The following RYR2 variants were observed in gnomAD, a reference collection of about 807,000 sequenced individuals.
RYR2 encodes cardiac muscle ryanodine receptor-calcium release channel.
A neutral mutation model predicts 601.1 loss-of-function variants in RYR2; 227 were observed. That is an observed-to-expected ratio of 0.38 (90% CI 0.34 to 0.42). RYR2 has a LOEUF of 0.42. Among genes scored for constraint, RYR2 ranks in the 10% least tolerant of loss-of-function variants. The pLI, the probability that RYR2 is intolerant of heterozygous loss-of-function variation, is 1.00. For synonymous variants in RYR2, 2,223 were observed against 2,175.1 expected (o/e 1.02, Z -0.61); for missense variants, 4,646 against 6,156.5 (o/e 0.75, Z 8.21).
intron 1 of RYR2, among the ~76,000 whole-genome samples, chr1:237,261,493 CA>C (rs1688518750): frequency 6.6e-6 from 1 of 152,224 alleles, no homozygotes; most frequent in African/African-American, 2.4e-5. Context: ...AGAGGGCTTT[CA>C]CCAGCTTTCC....
chr1:237,377,242 T>G, intron 7 of RYR2, 81 bp from the exon 8 acceptor site: 1 of 924,292 alleles, frequency 1.1e-6, no homozygotes, highest in South Asian at 1.9e-5. Context: ...CTGAAAGTTG[T>G]GTGTTGGGAA....
intron 1 of RYR2, among the ~76,000 whole-genome samples, chr1:237,097,292 C>A (rs1572621343): frequency 6.6e-6 from 1 of 152,030 alleles, no homozygotes; most frequent in East Asian, 1.9e-4. Flanking sequence ...AGATTTAAGA[C>A]CTTGAGTTAA....
At chr1:237,382,081 G>A (rs1439982764) in intron 8 of RYR2, among the ~76,000 whole-genome samples, 1 of 152,150 alleles carries the variant, frequency 6.6e-6, no homozygotes, top group Non-Finnish European at 1.5e-5. Context: ...TTTTCTGTGT[G>A]TTAGGTGTAA....
At chr1:237,528,552 G>C (rs537329207) in intron 24 of RYR2, among the ~76,000 whole-genome samples, 2 of 152,118 alleles carry the variant, frequency 1.3e-5, no homozygotes, top group African/African-American at 2.4e-5. Flanking sequence ...TTCACTGTCC[G>C]TGTGAGTTGA....
At chr1:237,603,258 G>A (rs1419984290) in intron 35 of RYR2, among the ~76,000 whole-genome samples, 1 of 152,182 alleles carries the variant, frequency 6.6e-6, no homozygotes, top group African/African-American at 2.4e-5. Flanking sequence ...GGGGAAAGAA[G>A]ACCCTGTTGA....
At chr1:237,303,487 A>G (rs1018077281) in intron 2 of RYR2, among the ~76,000 whole-genome samples, 6 of 151,614 alleles carry the variant, frequency 4.0e-5, no homozygotes, top group African/African-American at 1.2e-4. Flanking sequence ...TTTAGTAGAG[A>G]CGGGGTTTCA....
At chr1:237,668,236 T>C (rs1684496261) in intron 58 of RYR2, among the ~76,000 whole-genome samples, 1 of 152,200 alleles carries the variant, frequency 6.6e-6, no homozygotes, top group Non-Finnish European at 1.5e-5. Context: ...TATGAATGAC[T>C]TAGACTTCCC....
intron 87 of RYR2, 48 bp from the exon 88 acceptor site, chr1:237,778,618 G>A (rs376420889): frequency 3.0e-6 from 3 of 1,001,342 alleles, no homozygotes; most frequent in South Asian, 1.4e-5. Context: ...GTTTGTTTTG[G>A]CAAATAAATT....
intron 10 of RYR2, among the ~76,000 whole-genome samples, chr1:237,395,170 A>G (rs1038371308): frequency 3.9e-5 from 6 of 152,166 alleles, no homozygotes; most frequent in South Asian, 2.1e-4. Flanking sequence ...CAACAACACT[A>G]TATTCAGGAT....
intron 1 of RYR2, among the ~76,000 whole-genome samples, chr1:237,220,673 C>T (rs1683709170): frequency 6.6e-6 from 1 of 152,164 alleles, no homozygotes; most frequent in Admixed American, 6.5e-5. Flanking sequence ...CTCACAAAAC[C>T]TTTTCAGAGT....
At chr1:237,642,831 C>A (rs528539947) in intron 47 of RYR2, among the ~76,000 whole-genome samples, 1 of 152,270 alleles carries the variant, frequency 6.6e-6, no homozygotes, top group Non-Finnish European at 1.5e-5. Context: ...ATTATATATC[C>A]AGCCTTGGGA....
chr1:237,577,991 C>T (rs2805405), intron 29 of RYR2, among the ~76,000 whole-genome samples: 91,979 of 151,838 alleles, frequency 0.61, 30,182 homozygotes, highest in Non-Finnish European at 0.72. Flanking sequence ...TTAATAGAGA[C>T]GGGGTTTCAC....
intron 80 of RYR2, among the ~76,000 whole-genome samples, chr1:237,748,039 G>C (rs1026818315): frequency 6.6e-6 from 1 of 152,112 alleles, no homozygotes; most frequent in Non-Finnish European, 1.5e-5. Flanking sequence ...CATCTCAAGT[G>C]ATTATCTCGT....
intron 80 of RYR2, among the ~76,000 whole-genome samples, chr1:237,744,014 ATGGTATTGCTGGTGAGAT>A (rs1691845963): frequency 6.6e-6 from 1 of 152,144 alleles, no homozygotes; most frequent in South Asian, 2.1e-4. Context: ...GACATGATAA[ATGGTATTGCTGGTGAGAT>A]TGGAAAGAAG....
chr1:237,178,433 TG>T (rs1678315819), intron 1 of RYR2, among the ~76,000 whole-genome samples: 3 of 141,766 alleles, frequency 2.1e-5, no homozygotes, highest in Non-Finnish European at 4.5e-5. Flanking sequence ...TGTGTGTGTG[TG>T]TGTGTGTGTG....
intron 32 of RYR2, among the ~76,000 whole-genome samples, 166 bp downstream of exon 32, chr1:237,592,019 A>G (rs796864189): frequency 3.3e-5 from 5 of 152,332 alleles, no homozygotes; most frequent in African/African-American, 9.6e-5. Context: ...AAGTTTACGT[A>G]TTATGATGGA....
Position 237,423,107 on chromosome 1 carries a change from C to T in RYR2, c.864C>T (p.His288=). 8 of 1,613,260 alleles carry T rather than the reference C, an allele frequency of 5.0e-6. No individual in the cohort carries two copies. The highest frequency in any genetic ancestry group is 6.8e-6 in the Non-Finnish European group (8 of 1,179,664). ...ETLRVAWSGS[H]IRWGQPFRLR... ...TTTTCATTAGGTGGAGTGGAAGCCA[C>T]ATAAGATGGGGACAGCCATTCCGAC... The change falls in exon 12 of 105, where the codon CAC becomes CAT. Residue 288 remains histidine (H), a synonymous_variant. Transcript: ENST00000366574.
chr1:237,771,606 C>A (rs949311675), intron 85 of RYR2, among the ~76,000 whole-genome samples: 5 of 152,094 alleles, frequency 3.3e-5, no homozygotes, highest in African/African-American at 1.2e-4. Flanking sequence ...CCCCTGAAGG[C>A]AGGAACTCCA....
At chr1:237,604,352 TA>T (rs1676862414) in intron 35 of RYR2, among the ~76,000 whole-genome samples, 1 of 152,016 alleles carries the variant, frequency 6.6e-6, no homozygotes, top group African/African-American at 2.4e-5. Context: ...AAGGCAGAAA[TA>T]AAGATGTTCT....
Sources: allele counts gnomAD v4.1 joint callset (sites outside exome capture counted in the v4.1 genomes callset), GRCh38; gene constraint gnomAD v4.1.1; transcripts MANE v1.5; gene names NCBI Gene and HGNC (gene_info 2026-07-23, HGNC 2026-07-21).